ZMIZ1: variants seen among roughly 807,000 people sequenced by gnomAD.
ZMIZ1 encodes zinc finger MIZ domain-containing protein 1.
ZMIZ1 carries 17 observed loss-of-function variants against 113.9 expected under a neutral mutation model. The ratio of observed to expected loss-of-function variants is 0.15; its 90% CI spans 0.10 to 0.22. ZMIZ1 has a LOEUF of 0.22. ZMIZ1 is among the 10% of genes least tolerant of loss of function. The probability of loss-of-function intolerance (pLI) is 1.00; values close to 1 mark genes in which losing one functional copy is unlikely to be tolerated. For synonymous variants in ZMIZ1, 607 were observed against 603.1 expected, an observed-to-expected ratio of 1.01 and a Z score of -0.09; for missense variants, 1,059 against 1,477.8, an observed-to-expected ratio of 0.72 and a Z score of 4.65.
intron 3 of ZMIZ1, among the ~76,000 whole-genome samples, chr10:79,148,025 C>G (rs1275670639): frequency 1.3e-5 from 2 of 152,204 alleles, no homozygotes; most frequent in Admixed American, 1.3e-4. Flanking sequence ...ATAGATGACA[C>G]CATCTCTGGG....
intron 4 of ZMIZ1, among the ~76,000 whole-genome samples, chr10:79,165,802 C>A (rs1038872247): frequency 2.0e-5 from 3 of 152,226 alleles, no homozygotes; most frequent in African/African-American, 7.2e-5. Flanking sequence ...CCCTGAGCCT[C>A]TGGCCTGAAG....
chr10:79,235,324 TGAA>T (rs1849545387), intron 7 of ZMIZ1, among the ~76,000 whole-genome samples: 1 of 152,182 alleles, frequency 6.6e-6, no homozygotes, highest in African/African-American at 2.4e-5. Flanking sequence ...CACCGGGTGA[TGAA>T]GGACTCCTGG....
intron 8 of ZMIZ1, among the ~76,000 whole-genome samples, chr10:79,286,394 C>G (rs1853078687): frequency 6.6e-6 from 1 of 152,250 alleles, no homozygotes; most frequent in East Asian, 1.9e-4. Flanking sequence ...AGAGCCTTCT[C>G]TGCGACAGCA....
At chr10:79,294,115 G>A in intron 12 of ZMIZ1, 1 of 206,524 alleles carries the variant, frequency 4.8e-6, no homozygotes, top group Non-Finnish European at 1.0e-5. Context: ...TGACTGGAAG[G>A]CAGGCAGCGT....
intron 11 of ZMIZ1, 126 bp from the exon 12 acceptor site, chr10:79,293,255 G>A (rs1415959656): frequency 1.9e-5 from 24 of 1,294,594 alleles, no homozygotes; most frequent in South Asian, 3.0e-5. Flanking sequence ...AGTCACTGCC[G>A]CACAGGACAG....
chr10:79,231,357 C>T (rs1171319115), intron 7 of ZMIZ1, among the ~76,000 whole-genome samples: 6 of 152,198 alleles, frequency 3.9e-5, no homozygotes, highest in Admixed American at 2.0e-4. Flanking sequence ...AAGCGATCCT[C>T]TTGCCTCAGC....
At position 79,313,018 on chromosome 10, in the gene ZMIZ1, A is replaced by C; in HGVS notation, c.*269A>C. The C allele has an allele frequency of 6.3e-6, 3 of 474,800 alleles. No individual in the cohort carries two copies. The highest frequency in any genetic ancestry group is 7.6e-6 in the Non-Finnish European group (2 of 264,532). The allele number at this position is 474,800 out of a possible 1,614,324, so 29.4% of individuals were successfully genotyped here. A position where few individuals can be genotyped will look rare whatever the true frequency, so the allele number is the denominator to read the frequency against. On this transcript the variant is annotated 3_prime_UTR_variant, in exon 25 of 25. Coordinates refer to ENST00000334512, the MANE Select transcript of ZMIZ1 (RefSeq NM_020338.4). ...CATGCCCAGCGCAGGCCTGAAGACC[A>C]CCCTCCCGAGAGGAACCAGCCCGGT... is the stretch of plus-strand genomic sequence containing the variant.
At chr10:79,093,171 CACACAT>C (rs773591663) in intron 1 of ZMIZ1, among the ~76,000 whole-genome samples, 31,744 of 142,358 alleles carry the variant, frequency 0.22, 4,120 homozygotes, top group Non-Finnish European at 0.28. Flanking sequence ...CACACACACA[CACACAT>C]ATTCAGGGGA....
chr10:79,297,469 C>T (rs36072203), intron 13 of ZMIZ1, 144 bp from the exon 14 acceptor site: 10,701 of 707,914 alleles, frequency 0.015, 237 homozygotes, highest in African/African-American at 0.081. Context: ...GTAGCTGTCC[C>T]GCCCTGCTCA....
At chr10:79,289,685 G>T in intron 8 of ZMIZ1, 90 bp from the exon 9 acceptor site, 2 of 1,228,250 alleles carry the variant, frequency 1.6e-6, no homozygotes, top group Non-Finnish European at 1.2e-6. Context: ...CTGACTGGGA[G>T]CTGCGGTCAC....
rs12253261 is a variant in ZMIZ1, at chr10:79,103,631, G to A, written c.-336-15284G>A. Among the ~76,000 whole-genome samples the A allele has an allele frequency of 3.5e-3, 539 of 152,256 alleles. 6 individuals are homozygous for A. The highest frequency in any genetic ancestry group is 0.012 in the African/African-American group (512 of 41,544). The stretch of plus-strand genomic sequence containing the variant: ...GATGCCAACCTGGACACAGGTTTTC[G>A]GTGTCTGTTGACATCGGAGTGGAGA... On this transcript the variant is annotated intron_variant, in intron 1 of 24. Coordinates refer to ENST00000334512, the MANE Select transcript of ZMIZ1 (RefSeq NM_020338.4).
At chr10:79,233,188 C>T in intron 7 of ZMIZ1, among the ~76,000 whole-genome samples, 1 of 152,268 alleles carries the variant, frequency 6.6e-6, no homozygotes, top group East Asian at 1.9e-4. Flanking sequence ...AGGGCTGGGC[C>T]TTCCCACTGT....
At chr10:79,108,782 G>A (rs1843640662) in intron 1 of ZMIZ1, among the ~76,000 whole-genome samples, 1 of 152,108 alleles carries the variant, frequency 6.6e-6, no homozygotes, top group Admixed American at 6.5e-5. Context: ...GGGCTGTTTT[G>A]GACGGGCCTA....
chr10:79,312,787 T>A lies in ZMIZ1; in HGVS notation c.*38T>A. On this transcript the variant is annotated 3_prime_UTR_variant, in exon 25 of 25. Transcript: ENST00000334512. ...CGGGGCCATCCCTCCACACTCTGCA[T>A]CCTACCCCACCTACCCAACACACTT... 1 of 1,590,924 alleles carries A rather than the reference T, an allele frequency of 6.3e-7. No individual in the cohort carries two copies. Among genetic ancestry groups the A allele is most frequent in the Non-Finnish European group, 8.6e-7 (1 of 1,159,204 alleles).
At chr10:79,104,404 G>A (rs1843480032) in intron 1 of ZMIZ1, among the ~76,000 whole-genome samples, 2 of 152,192 alleles carry the variant, frequency 1.3e-5, no homozygotes, top group Non-Finnish European at 2.9e-5. Flanking sequence ...GGTTGGGTCA[G>A]AGGGACCAGA....
chr10:79,273,962 C>T (rs1852105110), intron 7 of ZMIZ1, among the ~76,000 whole-genome samples: 1 of 152,242 alleles, frequency 6.6e-6, no homozygotes, highest in Non-Finnish European at 1.5e-5. Context: ...CTGTCCTGGG[C>T]CCAAGCGAGC....
chr10:79,093,826 GCAGA>G (rs1306977794), intron 1 of ZMIZ1, among the ~76,000 whole-genome samples: 6 of 152,194 alleles, frequency 3.9e-5, no homozygotes, highest in Admixed American at 3.3e-4. Flanking sequence ...CAAGCACTCT[GCAGA>G]CAGACAGTCT....
intron 7 of ZMIZ1, among the ~76,000 whole-genome samples, chr10:79,235,612 TCACC>T (rs1849557388): frequency 6.6e-6 from 1 of 152,164 alleles, no homozygotes; most frequent in South Asian, 2.1e-4. Context: ...CAAATCAGGT[TCACC>T]CACCCATCTT....
chr10:79,110,235 A>T (rs943380003), intron 1 of ZMIZ1, among the ~76,000 whole-genome samples: 3 of 152,208 alleles, frequency 2.0e-5, no homozygotes, highest in African/African-American at 7.2e-5. Context: ...ATGTTGGGAG[A>T]ATTCAGGAGA....
Sources: gnomAD v4.1 joint callset for allele counts (sites outside exome capture counted in the v4.1 genomes callset) on GRCh38, gnomAD v4.1.1 for gene constraint, MANE v1.5 for transcripts, NCBI Gene and HGNC (gene_info 2026-07-23, HGNC 2026-07-21) for gene names.